Variants in RBFOX1 observed in about 807,000 individuals in gnomAD.
The protein encoded by RBFOX1 is RNA binding protein fox-1 homolog 1.
In RBFOX1, 8 loss-of-function variants were observed where a neutral mutation model predicts 57.7. The ratio of observed to expected loss-of-function variants is 0.14; its 90% CI spans 0.08 to 0.25. The LOEUF (loss-of-function observed/expected upper bound fraction) is 0.25, where lower values mean the gene tolerates loss of function less well. Ranked by LOEUF, RBFOX1 falls within the 10% of genes least tolerant of loss-of-function variation. The pLI is 1.00. For synonymous variants in RBFOX1, 326 were observed against 222.4 expected (o/e 1.47, Z -4.15); for missense variants, 611 against 548.5 (o/e 1.11, Z -1.14).
intron 4 of RBFOX1, among the ~76,000 whole-genome samples, chr16:7,295,516 A>G (rs1400915013): frequency 1.3e-5 from 2 of 152,220 alleles, no homozygotes; most frequent in East Asian, 3.9e-4. Context: ...ACAACTTAGG[A>G]AGGAAAAGTA....
At chr16:7,040,002 T>TTA (rs1568486587) in intron 3 of RBFOX1, among the ~76,000 whole-genome samples, 7 of 148,668 alleles carry the variant, frequency 4.7e-5, no homozygotes, top group Non-Finnish European at 1.0e-4. Flanking sequence ...GGGGAGTTAT[T>TTA]TTATTATTAT....
intron 2 of RBFOX1, among the ~76,000 whole-genome samples, chr16:6,329,914 G>A (rs1401774853): frequency 2.0e-5 from 3 of 152,090 alleles, no homozygotes; most frequent in East Asian, 1.9e-4. Context: ...CTCCAGCCTG[G>A]GTGACAGAAG....
intron 2 of RBFOX1, among the ~76,000 whole-genome samples, chr16:5,475,941 C>G (rs999690838): frequency 2.9e-4 from 44 of 152,314 alleles, no homozygotes; most frequent in African/African-American, 9.9e-4. Context: ...AAGTGTGGCT[C>G]TAGCTCTTAA....
At chr16:7,234,998 C>A (rs552252155) in intron 4 of RBFOX1, among the ~76,000 whole-genome samples, 1 of 152,012 alleles carries the variant, frequency 6.6e-6, no homozygotes, top group Non-Finnish European at 1.5e-5. Flanking sequence ...GTCCAAAAAA[C>A]GGAATGTCTA....
intron 13 of RBFOX1, among the ~76,000 whole-genome samples, chr16:7,674,610 G>T (rs1368882376): frequency 6.6e-6 from 1 of 152,178 alleles, no homozygotes; most frequent in African/African-American, 2.4e-5. Flanking sequence ...TTGACGACTT[G>T]TGCCCGTCTT....
intron 2 of RBFOX1, among the ~76,000 whole-genome samples, chr16:5,578,281 C>T (rs1388594502): frequency 6.6e-6 from 1 of 152,164 alleles, no homozygotes; most frequent in Admixed American, 6.5e-5. Context: ...CTGGGCTTCT[C>T]ACCTAGCCTC....
chr16:6,651,579 C>A (rs1602770097), intron 2 of RBFOX1, among the ~76,000 whole-genome samples: 1 of 152,188 alleles, frequency 6.6e-6, no homozygotes, highest in African/African-American at 2.4e-5. Context: ...AGGATGTGGA[C>A]AGATTGGAAC....
chr16:6,796,098 G>A (rs979155395), intron 3 of RBFOX1, among the ~76,000 whole-genome samples: 9 of 152,130 alleles, frequency 5.9e-5, no homozygotes, highest in Admixed American at 5.2e-4. Flanking sequence ...ATTTCCACGT[G>A]GCTGGGGAGG....
At chr16:6,992,096 G>A (rs1028908929) in intron 3 of RBFOX1, among the ~76,000 whole-genome samples, 1 of 152,106 alleles carries the variant, frequency 6.6e-6, no homozygotes, top group East Asian at 1.9e-4. Flanking sequence ...CATTCCTTAG[G>A]GAGAACGGGT....
intron 3 of RBFOX1, among the ~76,000 whole-genome samples, chr16:6,899,421 T>C (rs552100983): frequency 2.0e-5 from 3 of 152,314 alleles, no homozygotes; most frequent in Admixed American, 6.5e-5. Flanking sequence ...ATGGATACAT[T>C]ACAATTTTTA....
At chr16:5,479,819 G>A (rs2069462751) in intron 2 of RBFOX1, among the ~76,000 whole-genome samples, 1 of 151,380 alleles carries the variant, frequency 6.6e-6, no homozygotes. Flanking sequence ...GTGGTCAGAC[G>A]TGTCCTTGGA....
chr16:7,048,792 A>G (rs1312378644), intron 3 of RBFOX1, among the ~76,000 whole-genome samples: 1 of 152,140 alleles, frequency 6.6e-6, no homozygotes, highest in Admixed American at 6.5e-5. Context: ...TTTGGTTTGT[A>G]TTCTGGGTAT....
chr16:6,109,286 T>C (rs2096417059), intron 1 of RBFOX1, among the ~76,000 whole-genome samples: 1 of 152,212 alleles, frequency 6.6e-6, no homozygotes, highest in South Asian at 2.1e-4. Flanking sequence ...TGGATCAATA[T>C]GTAATATTTA....
intron 3 of RBFOX1, among the ~76,000 whole-genome samples, chr16:5,623,812 T>G (rs2048268421): frequency 1.3e-5 from 2 of 152,200 alleles, no homozygotes; most frequent in African/African-American, 4.8e-5. Flanking sequence ...GCAAGAATCC[T>G]TCACTGTTTA....
At position 7,041,520 on chromosome 16, in the gene RBFOX1, C is replaced by T. The variant is rs371360714; in HGVS notation, c.-15-10537C>T. Among the ~76,000 whole-genome samples, 37 of 152,236 alleles carry T rather than the reference C, an allele frequency of 2.4e-4. 1 individual carries two copies. The South Asian group carries it at 7.3e-3, about 30-fold the overall frequency. On this transcript the variant is annotated intron_variant, in intron 3 of 15. Coordinates refer to ENST00000550418, the MANE Select transcript of RBFOX1 (RefSeq NM_018723.4). Reference sequence around the variant, plus strand: ...CAAGCGCTGTCCTTACTTCCTCATTCGCCGTTGCACTCTGGTAAAGTGATT... The same window carrying T: ...CAAGCGCTGTCCTTACTTCCTCATTTGCCGTTGCACTCTGGTAAAGTGATT...
chr16:7,189,201 A>G (rs9937383), intron 4 of RBFOX1, among the ~76,000 whole-genome samples: 38,535 of 151,572 alleles, frequency 0.25, 5,379 homozygotes, highest in African/African-American at 0.38. Flanking sequence ...CGACGTAGGT[A>G]GATCATGAGG....
intron 1 of RBFOX1, among the ~76,000 whole-genome samples, chr16:6,027,664 T>C (rs1337348188): frequency 6.6e-6 from 1 of 152,240 alleles, no homozygotes; most frequent in Admixed American, 6.5e-5. Flanking sequence ...GGGCTGACTA[T>C]GATAATCATG....
intron 4 of RBFOX1, among the ~76,000 whole-genome samples, chr16:5,949,401 C>A (rs1487162281): frequency 6.6e-6 from 1 of 151,606 alleles, no homozygotes; most frequent in Non-Finnish European, 1.5e-5. Flanking sequence ...TGGTGGGCGC[C>A]TGTAGTCCCA....
At chr16:6,590,020 C>T (rs1436283504) in intron 2 of RBFOX1, among the ~76,000 whole-genome samples, 4 of 152,102 alleles carry the variant, frequency 2.6e-5, no homozygotes, top group African/African-American at 9.7e-5. Flanking sequence ...AGCTCTTAGT[C>T]TTGGTTGGGG....
Sources: allele counts gnomAD v4.1 joint callset (sites outside exome capture counted in the v4.1 genomes callset), GRCh38; gene constraint gnomAD v4.1.1; transcripts MANE v1.5; gene names NCBI Gene and HGNC (gene_info 2026-07-23, HGNC 2026-07-21).